SEMA3D: variants seen among roughly 807,000 people sequenced by gnomAD.
SEMA3D encodes the protein semaphorin-3D.
SEMA3D carries 84 observed loss-of-function variants against 100.1 expected under a neutral mutation model. That is an observed-to-expected ratio of 0.84 (90% CI 0.70 to 1.01). The LOEUF (loss-of-function observed/expected upper bound fraction) is 1.01, where lower values mean the gene tolerates loss of function less well. Ranked by LOEUF, SEMA3D falls within the 50% of genes least tolerant of loss-of-function variation. SEMA3D has a pLI of 0.00. For synonymous variants in SEMA3D, 312 were observed against 320.7 expected (o/e 0.97, Z 0.29); for missense variants, 875 against 934.1 (o/e 0.94, Z 0.82).
chr7:85,063,097 A>G (rs554211701), intron 8 of SEMA3D, among the ~76,000 whole-genome samples: 28 of 152,302 alleles, frequency 1.8e-4, no homozygotes, highest in Non-Finnish European at 3.5e-4. Flanking sequence ...ACTTCCCGAT[A>G]TGATTTAATT....
chr7:85,225,050 TTATATATATATATATATA>T, the SEMA3D span, among the ~76,000 whole-genome samples: 1,099 of 77,206 alleles, frequency 0.014, 23 homozygotes, highest in Admixed American at 0.019. Context: ...TGATTTTCTT[TTATATATATATATATATA>T]TATATATATA....
the SEMA3D span, among the ~76,000 whole-genome samples, chr7:85,228,987 G>T: frequency 2.0e-5 from 3 of 151,930 alleles, no homozygotes; most frequent in African/African-American, 7.2e-5. Flanking sequence ...TAAAGTGAAA[G>T]AACTTCTAGA....
intron 2 of SEMA3D, among the ~76,000 whole-genome samples, chr7:85,146,279 G>A (rs1790202380): frequency 6.6e-6 from 1 of 151,762 alleles, no homozygotes; most frequent in African/African-American, 2.4e-5. Context: ...CCTTAGCCAG[G>A]AGTGGCGTCT....
chr7:85,141,548 A>T (rs973056976), intron 2 of SEMA3D: 15 of 984,810 alleles, frequency 1.5e-5, no homozygotes, highest in Admixed American at 6.2e-5. Flanking sequence ...CTTTCTAAGG[A>T]TAGTCTTAAC....
chr7:85,197,162 G>C, the SEMA3D span, among the ~76,000 whole-genome samples: 1 of 152,054 alleles, frequency 6.6e-6, no homozygotes, highest in Admixed American at 6.5e-5. Flanking sequence ...TGTCCTTTGT[G>C]GGGGAAAATT....
intron 1 of SEMA3D, among the ~76,000 whole-genome samples, 168 bp from the exon 2 acceptor site, chr7:85,153,907 T>C (rs1790506198): frequency 6.6e-6 from 1 of 152,274 alleles, no homozygotes; most frequent in Admixed American, 6.5e-5. Flanking sequence ...AATGTCAAGC[T>C]TTTTGTTCTA....
intron 6 of SEMA3D, among the ~76,000 whole-genome samples, chr7:85,070,781 CT>C (rs1306619888): frequency 2.1e-5 from 3 of 146,238 alleles, no homozygotes; most frequent in Admixed American, 6.7e-5. Context: ...GCACTTGTGA[CT>C]TTTTTTTGTT....
rs773250544 is a variant in SEMA3D at position 85,099,488 on chromosome 7, C to CT, written c.152-1524dup. Among the ~76,000 whole-genome samples, 3 of 151,910 alleles carry CT rather than the reference C, an allele frequency of 2.0e-5. 1 individual carries two copies. The highest frequency in any genetic ancestry group is 3.9e-4 in the East Asian group (2 of 5,150). ...ATAAATTACCTAATCTCAGGTATGT[C>CT]TTTATCAGCAGTGTCAAAATGGACT... On this transcript the variant is annotated intron_variant, in intron 3 of 18. Transcript: ENST00000284136.
rs1789502357 is a variant in SEMA3D at position 84,996,444 on chromosome 7, C to A, written c.*2996G>T. On this transcript the variant is annotated 3_prime_UTR_variant, in exon 19 of 19. Transcript: ENST00000284136. Reference sequence around the variant, plus strand: ...TCTTCCACTACTGTTGTGGCTTTTGCAAATTACTAAATTTCTCTGTGACTA... The same window carrying A: ...TCTTCCACTACTGTTGTGGCTTTTGAAAATTACTAAATTTCTCTGTGACTA... The A allele has an allele frequency of 6.6e-6, 1 of 151,962 alleles. No individual in the cohort carries two copies. The highest frequency in any genetic ancestry group is 1.5e-5 in the Non-Finnish European group (1 of 67,868). The allele number at this position is 151,962 out of a possible 1,614,324, so 9.4% of individuals were successfully genotyped here.
intron 12 of SEMA3D, among the ~76,000 whole-genome samples, chr7:85,027,514 G>T (rs183848161): frequency 6.6e-6 from 1 of 152,010 alleles, no homozygotes; most frequent in African/African-American, 2.4e-5. Context: ...ATTTTACATT[G>T]GTGGTAGTTG....
At chr7:85,209,521 G>A in the SEMA3D span, among the ~76,000 whole-genome samples, 1 of 152,032 alleles carries the variant, frequency 6.6e-6, no homozygotes, top group African/African-American at 2.4e-5. Flanking sequence ...CTGATTAGAT[G>A]CTCTGTTTCT....
At chr7:85,232,420 C>T in the SEMA3D span, among the ~76,000 whole-genome samples, 9 of 152,124 alleles carry the variant, frequency 5.9e-5, no homozygotes, top group Non-Finnish European at 1.2e-4. Context: ...GTAAGAACCT[C>T]TAACAAATGA....
intron 6 of SEMA3D, among the ~76,000 whole-genome samples, chr7:85,072,059 T>C (rs1480423349): frequency 6.6e-6 from 1 of 152,198 alleles, no homozygotes; most frequent in African/African-American, 2.4e-5. Context: ...AACCTGTAAA[T>C]TGGTAATTAT....
At chr7:85,026,300 G>A (rs896254855) in intron 12 of SEMA3D, among the ~76,000 whole-genome samples, 2 of 151,996 alleles carry the variant, frequency 1.3e-5, no homozygotes, top group African/African-American at 4.8e-5. Flanking sequence ...CCAATAAGTG[G>A]AAGGTGATGG....
chr7:85,049,155 G>A (rs1219814824), intron 9 of SEMA3D, among the ~76,000 whole-genome samples: 1 of 151,154 alleles, frequency 6.6e-6, no homozygotes, highest in African/African-American at 2.4e-5. Context: ...AACATCTAAG[G>A]CAAAGGATAG....
chr7:85,227,505 AG>A, the SEMA3D span, among the ~76,000 whole-genome samples: 1 of 152,216 alleles, frequency 6.6e-6, no homozygotes, highest in African/African-American at 2.4e-5. Flanking sequence ...TGAATATGCC[AG>A]TACCTTAATC....
chr7:85,052,367 A>C (rs996958028), intron 9 of SEMA3D, among the ~76,000 whole-genome samples: 4 of 151,950 alleles, frequency 2.6e-5, no homozygotes, highest in Admixed American at 1.3e-4. Context: ...CAACCAACTT[A>C]CCACTCTAAT....
At chr7:85,244,490 C>T in the SEMA3D span, among the ~76,000 whole-genome samples, 1 of 152,052 alleles carries the variant, frequency 6.6e-6, no homozygotes, top group South Asian at 2.1e-4. Context: ...TGTTTATATA[C>T]TTATCCTTAT....
chr7:85,189,594 G>A (rs1409616199), upstream of SEMA3D, among the ~76,000 whole-genome samples: 2 of 152,152 alleles, frequency 1.3e-5, no homozygotes, highest in Non-Finnish European at 2.9e-5. Context: ...TGAAAGCGAT[G>A]TGTATATCAT....
Sources: gnomAD v4.1 joint callset for allele counts (sites outside exome capture counted in the v4.1 genomes callset) on GRCh38, gnomAD v4.1.1 for gene constraint, MANE v1.5 for transcripts, NCBI Gene and HGNC (gene_info 2026-07-23, HGNC 2026-07-21) for gene names.